RBFOX1: variants seen among roughly 807,000 people sequenced by gnomAD.
The protein encoded by RBFOX1 is RNA binding protein fox-1 homolog 1.
In RBFOX1, 8 loss-of-function variants were observed where a neutral mutation model predicts 57.7. That is an observed-to-expected ratio of 0.14 (90% CI 0.08 to 0.25). RBFOX1 has a LOEUF of 0.25. RBFOX1 is among the 10% of genes least tolerant of loss of function. RBFOX1 has a pLI of 1.00. For missense variants in RBFOX1, 611 were observed against 548.5 expected (o/e 1.11, Z -1.14); for synonymous variants, 326 against 222.4 (o/e 1.47, Z -4.15).
intron 3 of RBFOX1, among the ~76,000 whole-genome samples, chr16:6,955,333 G>T (rs9932425): frequency 0.61 from 92,592 of 150,844 alleles, 28,475 homozygotes; most frequent in Middle Eastern, 0.66. Context: ...TCACCTTTAA[G>T]CCTTCCCCAC....
intron 1 of RBFOX1, among the ~76,000 whole-genome samples, chr16:5,324,188 T>G (rs1192356247): frequency 2.0e-5 from 3 of 152,128 alleles, no homozygotes; most frequent in African/African-American, 7.2e-5. Flanking sequence ...TTCTGCTGGG[T>G]GCTGTGGCTC....
At chr16:5,494,830 G>A (rs1331269295) in intron 2 of RBFOX1, among the ~76,000 whole-genome samples, 2 of 152,186 alleles carry the variant, frequency 1.3e-5, no homozygotes, top group African/African-American at 2.4e-5. Context: ...AAATGATCAC[G>A]ATGATTGAAA....
intron 3 of RBFOX1, among the ~76,000 whole-genome samples, chr16:6,810,765 G>C (rs1170317392): frequency 6.6e-6 from 1 of 152,120 alleles, no homozygotes; most frequent in Non-Finnish European, 1.5e-5. Flanking sequence ...CAAGAGCAGA[G>C]AGAACTGCGT....
intron 4 of RBFOX1, among the ~76,000 whole-genome samples, chr16:7,400,472 T>G (rs1001639027): frequency 6.6e-6 from 1 of 152,134 alleles, no homozygotes; most frequent in African/African-American, 2.4e-5. Context: ...TTTTTTTAAT[T>G]TAAATTTATA....
intron 1 of RBFOX1, among the ~76,000 whole-genome samples, chr16:6,188,752 A>G (rs532457233): frequency 5.3e-4 from 80 of 152,348 alleles, no homozygotes; most frequent in African/African-American, 1.7e-3. Flanking sequence ...GGGCACCTGT[A>G]TCAGTGTCAT....
At chr16:6,948,073 C>A (rs185310434) in intron 3 of RBFOX1, among the ~76,000 whole-genome samples, 4 of 152,228 alleles carry the variant, frequency 2.6e-5, no homozygotes, top group Middle Eastern at 3.4e-3. Context: ...GCCACCATGG[C>A]CTGGCCTACA....
chr16:6,985,389 C>G (rs2090014441), intron 3 of RBFOX1, among the ~76,000 whole-genome samples: 1 of 152,146 alleles, frequency 6.6e-6, no homozygotes, highest in African/African-American at 2.4e-5. Flanking sequence ...ATAGGTATGG[C>G]TGGACAAGGT....
chr16:7,652,848 G>A (rs139077406), intron 11 of RBFOX1, among the ~76,000 whole-genome samples: 4 of 152,264 alleles, frequency 2.6e-5, no homozygotes, highest in South Asian at 4.2e-4. Context: ...TGGCATGTGT[G>A]GTTTGTGCAC....
At chr16:7,352,480 G>A (rs1448311173) in intron 4 of RBFOX1, among the ~76,000 whole-genome samples, 1 of 152,142 alleles carries the variant, frequency 6.6e-6, no homozygotes, top group African/African-American at 2.4e-5. Flanking sequence ...GGGTGGGTAA[G>A]AATCTGTCAC....
chr16:5,719,819 G>C (rs535645132), intron 3 of RBFOX1, among the ~76,000 whole-genome samples: 1 of 152,186 alleles, frequency 6.6e-6, no homozygotes, highest in East Asian at 1.9e-4. Flanking sequence ...TGGACATTTG[G>C]GTTGTTTCCG....
chr16:6,628,725 G>T (rs1007577831), intron 2 of RBFOX1, among the ~76,000 whole-genome samples: 13 of 152,108 alleles, frequency 8.5e-5, no homozygotes, highest in African/African-American at 2.9e-4. Flanking sequence ...GTTTGATGAG[G>T]TTTGACAGCT....
At chr16:7,696,618 A>G (rs2078887263) in intron 14 of RBFOX1, among the ~76,000 whole-genome samples, 1 of 152,032 alleles carries the variant, frequency 6.6e-6, no homozygotes, top group African/African-American at 2.4e-5. Flanking sequence ...ACATAGCATT[A>G]AATGAGTCAG....
chr16:7,397,812 G>C (rs1374056043), intron 4 of RBFOX1, among the ~76,000 whole-genome samples: 1 of 152,126 alleles, frequency 6.6e-6, no homozygotes, highest in Non-Finnish European at 1.5e-5. Flanking sequence ...CTGGGTTCAA[G>C]TCTTGTCCAC....
chr16:7,184,540 G>T (rs1041946735), intron 4 of RBFOX1, among the ~76,000 whole-genome samples: 1 of 152,226 alleles, frequency 6.6e-6, no homozygotes, highest in African/African-American at 2.4e-5. Flanking sequence ...CCAAGTGATT[G>T]AAGTATGACA....
chr16:6,033,315 C>T (rs1322221205), intron 1 of RBFOX1, among the ~76,000 whole-genome samples: 1 of 152,070 alleles, frequency 6.6e-6, no homozygotes, highest in Non-Finnish European at 1.5e-5. Flanking sequence ...TGATGCTTTG[C>T]TTTATTTATT....
intron 2 of RBFOX1, among the ~76,000 whole-genome samples, chr16:6,371,823 T>G (rs192135318): frequency 1.3e-5 from 2 of 152,364 alleles, no homozygotes; most frequent in East Asian, 3.9e-4. Context: ...AAGGATTATG[T>G]TCTTCCCAAC....
At chr16:6,489,914 G>T (rs574802764) in intron 2 of RBFOX1, among the ~76,000 whole-genome samples, 38 of 148,128 alleles carry the variant, frequency 2.6e-4, no homozygotes, top group Non-Finnish European at 3.1e-4. Context: ...TAATTGTCAT[G>T]TTGGAAAAAT....
At chr16:6,781,702 G>A (rs931404965) in intron 3 of RBFOX1, among the ~76,000 whole-genome samples, 15 of 151,746 alleles carry the variant, frequency 9.9e-5, no homozygotes, top group Non-Finnish European at 8.8e-5. Flanking sequence ...TTTCCAAATC[G>A]TTGGCCTATA....
chr16:6,520,397 G>T (rs2096475434), intron 2 of RBFOX1, among the ~76,000 whole-genome samples: 1 of 152,074 alleles, frequency 6.6e-6, no homozygotes, highest in Non-Finnish European at 1.5e-5. Context: ...TTTAAGAAAT[G>T]TTACATAGAC....
Sources: gnomAD v4.1 joint callset for allele counts (sites outside exome capture counted in the v4.1 genomes callset) on GRCh38, gnomAD v4.1.1 for gene constraint, MANE v1.5 for transcripts, NCBI Gene and HGNC (gene_info 2026-07-23, HGNC 2026-07-21) for gene names.